COG6: variants seen among roughly 807,000 people sequenced by gnomAD.
COG6 encodes the protein conserved oligomeric Golgi complex subunit 6.
A neutral mutation model predicts 88.8 loss-of-function variants in COG6; 74 were observed. The ratio of observed to expected loss-of-function variants is 0.83; its 90% confidence interval spans 0.69 to 1.01. The LOEUF (loss-of-function observed/expected upper bound fraction) is 1.01, where lower values mean the gene tolerates loss of function less well. Among genes scored for constraint, COG6 ranks in the 50% least tolerant of loss-of-function variants. The pLI, the probability that COG6 is intolerant of heterozygous loss-of-function variation, is 0.00. For missense variants in COG6, 800 were observed against 797.9 expected (o/e 1.00, Z -0.03); for synonymous variants, 286 against 278.7 (o/e 1.03, Z -0.26).
rs541624235 is a variant in COG6, at chr13:39,741,132, A to G, written c.1827-9814A>G. On this transcript the variant is annotated intron_variant, in intron 18 of 18. Transcript: ENST00000455146. ...TTAAATAATTATTTAGAATACAGTA[A>G]ATTTCTTTGAACATATTTTAAAATG... Among the ~76,000 whole-genome samples, 131 of 152,250 alleles carry G rather than the reference A, an allele frequency of 8.6e-4. 4 individuals carry two copies. In the South Asian group the frequency reaches 0.026, roughly 30 times the overall value.
chr13:39,685,516 T>A (rs1331138904), intron 8 of COG6, among the ~76,000 whole-genome samples: 1 of 152,178 alleles, frequency 6.6e-6, no homozygotes, highest in East Asian at 1.9e-4. Flanking sequence ...GATTTTAAGA[T>A]TCACTGGATT....
chr13:39,710,322 G>A (rs1013261795), intron 13 of COG6, among the ~76,000 whole-genome samples: 49 of 152,052 alleles, frequency 3.2e-4, no homozygotes, highest in Non-Finnish European at 1.8e-4. Context: ...GATTTTGATC[G>A]TTGATTCTGT....
At chr13:39,785,435 C>G (rs1242065547) in intron 18 of COG6, 1 of 152,164 alleles carries the variant, frequency 6.6e-6, no homozygotes, top group African/African-American at 2.4e-5. Context: ...TCAAATTTAG[C>G]AGTTGGGGGT....
chr13:39,783,636 C>T (rs1317681115), intron 18 of COG6, among the ~76,000 whole-genome samples: 1 of 152,154 alleles, frequency 6.6e-6, no homozygotes, highest in African/African-American at 2.4e-5. Flanking sequence ...TGTTAGACTA[C>T]ACACCAATCC....
At chr13:39,698,984 A>T (rs544803511) in intron 12 of COG6, among the ~76,000 whole-genome samples, 1 of 151,920 alleles carries the variant, frequency 6.6e-6, no homozygotes, top group African/African-American at 2.4e-5. Context: ...AGACTTTTCA[A>T]TTAGTCTAAA....
chr13:39,783,802 G>A (rs190445928), intron 18 of COG6, among the ~76,000 whole-genome samples: 154 of 152,240 alleles, frequency 1.0e-3, no homozygotes, highest in African/African-American at 3.5e-3. Flanking sequence ...AAGCTAAGTG[G>A]CCATCCAAAT....
rs1212791017 is a variant in COG6 at position 39,751,043 on chromosome 13, G to T, written c.1924G>T (p.Glu642Ter). The part of the protein sequence containing the change: ...MNPINEYKDP[E>*]NILHRSPQQV... ...TCCAATCAATGAATACAAAGATCCA[G>T]AGAACATTCTTCACCGATCGCCGCA... Residue 642 changes from glutamate (E) to a stop codon, truncating the protein, a stop_gained, in exon 19 of 19, where the codon GAG becomes TAG. Coordinates refer to ENST00000455146, the MANE Select transcript of COG6 (RefSeq NM_020751.3). LOFTEE classifies it high-confidence loss of function. The T allele has an allele frequency of 1.9e-6, 3 of 1,613,742 alleles. No individual in the cohort carries two copies. In the East Asian group the frequency reaches 6.7e-5, roughly 36 times the overall value.
At chr13:39,745,429 GA>G (rs1241694425) in intron 18 of COG6, among the ~76,000 whole-genome samples, 1 of 152,176 alleles carries the variant, frequency 6.6e-6, no homozygotes, top group Non-Finnish European at 1.5e-5. Flanking sequence ...CAAAGGATAT[GA>G]ACAGATACTT....
intron 4 of COG6, among the ~76,000 whole-genome samples, chr13:39,668,833 G>C (rs971479399): frequency 6.6e-6 from 1 of 151,572 alleles, no homozygotes; most frequent in Admixed American, 6.6e-5. Context: ...AGAGATCCAA[G>C]GTAGCCTTTA....
chr13:39,755,248 G>A (rs543329729), downstream of COG6, among the ~76,000 whole-genome samples: 12 of 152,220 alleles, frequency 7.9e-5, no homozygotes, highest in East Asian at 1.5e-3. Context: ...AACTTATGCC[G>A]TTTCCATACC....
At chr13:39,671,078 A>G (rs1481903452) in intron 4 of COG6, among the ~76,000 whole-genome samples, 1 of 151,992 alleles carries the variant, frequency 6.6e-6, no homozygotes, top group Non-Finnish European at 1.5e-5. Flanking sequence ...TCCAAAAGGA[A>G]ATATTGCCAG....
intron 15 of COG6, among the ~76,000 whole-genome samples, chr13:39,722,997 C>T (rs1301963002): frequency 6.6e-6 from 1 of 151,988 alleles, no homozygotes; most frequent in Non-Finnish European, 1.5e-5. Flanking sequence ...GAACATCAGG[C>T]CCTTATCTCG....
At chr13:39,661,236 C>T (rs4598779) in intron 3 of COG6, among the ~76,000 whole-genome samples, 97,768 of 151,950 alleles carry the variant, frequency 0.64, 31,856 homozygotes, top group Admixed American at 0.76. Flanking sequence ...TGATAAAGAC[C>T]TAGCTTAATT....
intron 1 of COG6, among the ~76,000 whole-genome samples, chr13:39,657,546 C>G (rs1002588695): frequency 3.3e-5 from 5 of 150,992 alleles, no homozygotes; most frequent in African/African-American, 1.2e-4. Context: ...TTTTTCTGTA[C>G]AGTAAGTATT....
At chr13:39,687,187 C>T (rs1430497208) in intron 8 of COG6, among the ~76,000 whole-genome samples, 1 of 151,988 alleles carries the variant, frequency 6.6e-6, no homozygotes, top group Admixed American at 6.6e-5. Context: ...TAAGTCTTCC[C>T]ACCTTGGCTT....
chr13:39,672,152 TAAG>T (rs1566173200), intron 4 of COG6, among the ~76,000 whole-genome samples: 2 of 152,024 alleles, frequency 1.3e-5, no homozygotes, highest in Admixed American at 1.3e-4. Flanking sequence ...TAAATGTTAT[TAAG>T]GAGTGGAAAG....
chr13:39,708,181 T>C (rs1593440750), intron 13 of COG6, among the ~76,000 whole-genome samples: 1 of 152,328 alleles, frequency 6.6e-6, no homozygotes, highest in African/African-American at 2.4e-5. Context: ...TACTTTCTTT[T>C]GAAGTTGTCT....
chr13:39,719,311 G>A lies in COG6; in HGVS notation c.1360G>A (p.Ala454Thr), dbSNP rs1566194187. Reference sequence around the variant, plus strand: ...ACTCATGTTGCTGCGTGAAGTTTTAGCATCTCACGATTCTTCAGTTGTACC... The same window carrying A: ...ACTCATGTTGCTGCGTGAAGTTTTAACATCTCACGATTCTTCAGTTGTACC... ...QTLMLLREVL[A>T]SHDSSVVPLD... Residue 454 changes from alanine (A) to threonine (T), a missense_variant, in exon 14 of 19, where the codon GCA becomes ACA. Transcript: ENST00000455146. 3 of 1,612,822 alleles carry A rather than the reference G, an allele frequency of 1.9e-6. No homozygotes were observed. Among genetic ancestry groups the A allele is most frequent in the Non-Finnish European group, 2.5e-6 (3 of 1,179,178 alleles).
chr13:39,699,807 G>T (rs898406867), intron 13 of COG6, among the ~76,000 whole-genome samples, 189 bp downstream of exon 13: 4 of 151,766 alleles, frequency 2.6e-5, no homozygotes, highest in Non-Finnish European at 4.4e-5. Flanking sequence ...TCCTGAAACA[G>T]TATAACATTG....
Sources: gnomAD v4.1 joint callset for allele counts (sites outside exome capture counted in the v4.1 genomes callset) on GRCh38, gnomAD v4.1.1 for gene constraint, MANE v1.5 for transcripts, NCBI Gene and HGNC (gene_info 2026-07-23, HGNC 2026-07-21) for gene names.